The following CRIM1 variants were observed in gnomAD, a reference collection of about 807,000 sequenced individuals.
CRIM1 encodes cysteine rich transmembrane BMP regulator 1, also known as cysteine-rich motor neuron 1 protein.
In CRIM1, 32 loss-of-function variants were observed where a neutral mutation model predicts 116.4. That is an observed-to-expected ratio of 0.27 (90% CI 0.21 to 0.37). The LOEUF (loss-of-function observed/expected upper bound fraction) is 0.37, where lower values mean the gene tolerates loss of function less well. Among genes scored for constraint, CRIM1 ranks in the 10% least tolerant of loss-of-function variants. The probability of loss-of-function intolerance (pLI) is 1.00; values close to 1 mark genes in which losing one functional copy is unlikely to be tolerated. For missense variants in CRIM1, 1,331 were observed against 1,354.8 expected (o/e 0.98, Z 0.28); for synonymous variants, 590 against 509.2 (o/e 1.16, Z -2.13).
intron 13 of CRIM1, among the ~76,000 whole-genome samples, chr2:36,524,434 A>G (rs1665618512): frequency 6.6e-6 from 1 of 152,062 alleles, no homozygotes; most frequent in Admixed American, 6.6e-5. Context: ...ATATATCAAA[A>G]CTTTTTTTTT....
At chr2:36,397,504 G>T (rs557630930) in intron 2 of CRIM1, among the ~76,000 whole-genome samples, 1 of 152,046 alleles carries the variant, frequency 6.6e-6, no homozygotes, top group Non-Finnish European at 1.5e-5. Context: ...CAGCTCTGCC[G>T]CTAACCAGCA....
At chr2:36,457,066 G>C (rs536829818) in intron 4 of CRIM1, among the ~76,000 whole-genome samples, 19 of 152,282 alleles carry the variant, frequency 1.2e-4, no homozygotes, top group Admixed American at 9.2e-4. Flanking sequence ...GAGGAAGCTA[G>C]GAAGAGAAGA....
intron 14 of CRIM1, 110 bp from the exon 15 acceptor site, chr2:36,544,266 T>C (rs905524703): frequency 2.0e-6 from 2 of 980,482 alleles, no homozygotes; most frequent in African/African-American, 3.4e-5. Flanking sequence ...GCATCTTTCA[T>C]GTCCCAGGAA....
chr2:36,504,233 T>G (rs1681226525), intron 8 of CRIM1, among the ~76,000 whole-genome samples: 1 of 152,146 alleles, frequency 6.6e-6, no homozygotes, highest in Non-Finnish European at 1.5e-5. Flanking sequence ...TCTTCGTTGA[T>G]TTGTTGTTCT....
Position 36,544,230 on chromosome 2 carries a change from G to GATGA in CRIM1, c.2624-141_2624-138dup, listed in dbSNP as rs1300446323. On this transcript the variant is annotated intron_variant, in intron 14 of 16. Transcript: ENST00000280527. ...AAGCTCGTGATTCTCTAGCATGAGT[G>GATGA]ATGAATGATGTAAATGGCAGAAACT... The GATGA allele has an allele frequency of 1.2e-5, 7 of 578,298 alleles. No homozygotes were observed. The South Asian group carries it at 4.7e-4, about 39-fold the overall frequency. The allele number at this position is 578,298 out of a possible 1,614,324, so 35.8% of individuals were successfully genotyped here. A position where few individuals can be genotyped will look rare whatever the true frequency, so the allele number is the denominator to read the frequency against.
At chr2:36,486,740 G>A (rs141226518) in intron 7 of CRIM1, among the ~76,000 whole-genome samples, 30 of 152,196 alleles carry the variant, frequency 2.0e-4, no homozygotes, top group African/African-American at 7.2e-4. Flanking sequence ...GATCAGACTT[G>A]GGCCTGCTAA....
chr2:36,433,979 A>T (rs958994872), intron 2 of CRIM1, among the ~76,000 whole-genome samples: 2 of 152,094 alleles, frequency 1.3e-5, no homozygotes, highest in Non-Finnish European at 2.9e-5. Flanking sequence ...AATATGAAAT[A>T]TTTCTGGGAC....
At chr2:36,476,030 A>C (rs1678949297) in intron 5 of CRIM1, among the ~76,000 whole-genome samples, 1 of 151,790 alleles carries the variant, frequency 6.6e-6, no homozygotes. Flanking sequence ...ACTGATCTGT[A>C]GTTGTGTTTT....
chr2:36,524,646 ATTG>A (rs754270392), intron 13 of CRIM1, among the ~76,000 whole-genome samples: 5 of 152,148 alleles, frequency 3.3e-5, no homozygotes, highest in Non-Finnish European at 5.9e-5. Context: ...GTGTAAATTT[ATTG>A]TTGTTTTGCT....
At chr2:36,387,446 G>A (rs112584379) in intron 1 of CRIM1, among the ~76,000 whole-genome samples, 1 of 152,156 alleles carries the variant, frequency 6.6e-6, no homozygotes, top group Non-Finnish European at 1.5e-5. Context: ...AGACAGCTGC[G>A]TTGCTTAATC....
At chr2:36,510,862 T>G (rs1438916492) in intron 9 of CRIM1, among the ~76,000 whole-genome samples, 1 of 152,118 alleles carries the variant, frequency 6.6e-6, no homozygotes, top group Non-Finnish European at 1.5e-5. Context: ...CTTTGCTGTC[T>G]TTCTTTCATT....
chr2:36,538,430 TTTTC>T (rs1345019160), intron 14 of CRIM1, among the ~76,000 whole-genome samples: 4 of 152,156 alleles, frequency 2.6e-5, no homozygotes, highest in Admixed American at 6.5e-5. Flanking sequence ...AGTCAGGAGC[TTTTC>T]TGTCTTACCT....
At chr2:36,428,217 T>C (rs745461342) in intron 2 of CRIM1, among the ~76,000 whole-genome samples, 1 of 152,250 alleles carries the variant, frequency 6.6e-6, no homozygotes, top group African/African-American at 2.4e-5. Flanking sequence ...GAGACTGGGC[T>C]TCTGGCCCTG....
intron 12 of CRIM1, among the ~76,000 whole-genome samples, chr2:36,518,364 A>G (rs1665163628): frequency 6.6e-6 from 1 of 152,204 alleles, no homozygotes; most frequent in East Asian, 1.9e-4. Flanking sequence ...CTTTCTAAAC[A>G]TATTCTTAGA....
At chr2:36,378,371 A>ATT (rs1440624820) in intron 1 of CRIM1, 1 of 471,036 alleles carries the variant, frequency 2.1e-6, no homozygotes, top group Non-Finnish European at 4.4e-6. Flanking sequence ...GGGGTATTGA[A>ATT]TTTGAGGCTG....
At chr2:36,471,804 A>C (rs911551740) in intron 5 of CRIM1, among the ~76,000 whole-genome samples, 7 of 151,908 alleles carry the variant, frequency 4.6e-5, no homozygotes, top group Admixed American at 2.0e-4. Context: ...AAGCCATCCT[A>C]GGCCTCATGT....
At chr2:36,504,773 G>T (rs1267128035) in intron 8 of CRIM1, among the ~76,000 whole-genome samples, 2 of 152,164 alleles carry the variant, frequency 1.3e-5, no homozygotes, top group African/African-American at 2.4e-5. Context: ...GCTAATAGAC[G>T]TAATATACCT....
intron 1 of CRIM1, among the ~76,000 whole-genome samples, chr2:36,359,306 T>C (rs572122368): frequency 1.3e-5 from 2 of 152,234 alleles, no homozygotes; most frequent in Non-Finnish European, 2.9e-5. Flanking sequence ...AGAAATATTA[T>C]CATGACTAAT....
chr2:36,542,192 T>C (rs1666991457), intron 14 of CRIM1, among the ~76,000 whole-genome samples: 1 of 152,188 alleles, frequency 6.6e-6, no homozygotes, highest in East Asian at 1.9e-4. Flanking sequence ...CTGTCAGGCA[T>C]CACTCATCAG....
Sources: gnomAD v4.1 joint callset for allele counts (sites outside exome capture counted in the v4.1 genomes callset) on GRCh38, gnomAD v4.1.1 for gene constraint, MANE v1.5 for transcripts, NCBI Gene and HGNC (gene_info 2026-07-23, HGNC 2026-07-21) for gene names.